TASP1: variants seen among roughly 807,000 people sequenced by gnomAD.
The protein encoded by TASP1 is threonine aspartase 1.
TASP1 carries 16 observed loss-of-function variants against 56.6 expected under a neutral mutation model. The observed-to-expected ratio is 0.28, with a 90% CI of 0.19 to 0.43. The LOEUF (loss-of-function observed/expected upper bound fraction) is 0.43. Ranked by LOEUF, TASP1 falls within the 20% of genes least tolerant of loss-of-function variation. The probability of loss-of-function intolerance (pLI) is 1.00; values close to 1 mark genes in which losing one functional copy is unlikely to be tolerated. For synonymous variants in TASP1, 179 were observed against 184.2 expected (o/e 0.97, Z 0.23); for missense variants, 393 against 511.6 (o/e 0.77, Z 2.24).
chr20:13,257,332 T>C, the TASP1 span, among the ~76,000 whole-genome samples: 1 of 152,074 alleles, frequency 6.6e-6, no homozygotes. Context: ...CTGGCCAACA[T>C]GGTGAAAACC....
At chr20:13,527,376 CCA>C (rs1875265692) in intron 10 of TASP1, among the ~76,000 whole-genome samples, 1 of 151,998 alleles carries the variant, frequency 6.6e-6, no homozygotes, top group African/African-American at 2.4e-5. Context: ...CCATATTTGT[CCA>C]CTCTCCCGAT....
chr20:13,474,533 A>T (rs776109078), intron 11 of TASP1, among the ~76,000 whole-genome samples: 9 of 152,140 alleles, frequency 5.9e-5, no homozygotes, highest in Non-Finnish European at 8.8e-5. Flanking sequence ...TCCACTCGTT[A>T]GTCAATGGGT....
intron 7 of TASP1, among the ~76,000 whole-genome samples, chr20:13,561,831 A>G: frequency 1.3e-5 from 2 of 152,180 alleles, no homozygotes; most frequent in East Asian, 3.8e-4. Flanking sequence ...AATTCAAATT[A>G]GAGTGTTATA....
intron 6 of TASP1, among the ~76,000 whole-genome samples, chr20:13,570,870 T>C (rs529488005): frequency 6.6e-6 from 1 of 152,230 alleles, no homozygotes; most frequent in Admixed American, 6.5e-5. Flanking sequence ...ATTTTTAGCA[T>C]TTCCTTCTTC....
chr20:13,536,602 T>C (rs1314233401), intron 8 of TASP1, among the ~76,000 whole-genome samples: 1 of 152,202 alleles, frequency 6.6e-6, no homozygotes, highest in Non-Finnish European at 1.5e-5. Flanking sequence ...ACTGAGTTTT[T>C]ATTGACAGAC....
the TASP1 span, among the ~76,000 whole-genome samples, chr20:13,233,324 G>C: frequency 6.6e-6 from 1 of 152,040 alleles, no homozygotes; most frequent in Non-Finnish European, 1.5e-5. Flanking sequence ...TGCCGGGCGC[G>C]GTGGCTCATG....
the TASP1 span, among the ~76,000 whole-genome samples, chr20:13,109,066 A>G: frequency 6.6e-6 from 1 of 152,232 alleles, no homozygotes; most frequent in South Asian, 2.1e-4. Flanking sequence ...TGCTAGGCTT[A>G]AATGTTAAAA....
the TASP1 span, among the ~76,000 whole-genome samples, chr20:13,202,477 C>A: frequency 2.9e-4 from 44 of 152,204 alleles, no homozygotes; most frequent in African/African-American, 1.0e-3. Context: ...CAGCTCACAA[C>A]GTTTCTGAAA....
At chr20:13,504,154 T>C (rs755611020) in intron 10 of TASP1, among the ~76,000 whole-genome samples, 4 of 152,010 alleles carry the variant, frequency 2.6e-5, no homozygotes, top group Non-Finnish European at 5.9e-5. Flanking sequence ...AGATACATTA[T>C]TATCAAATCA....
the TASP1 span, among the ~76,000 whole-genome samples, chr20:13,342,605 G>C: frequency 6.6e-6 from 1 of 152,152 alleles, no homozygotes; most frequent in East Asian, 1.9e-4. Flanking sequence ...GACAGGGCAC[G>C]TTCACCTCAC....
At chr20:13,192,074 C>T in the TASP1 span, among the ~76,000 whole-genome samples, 3,077 of 152,238 alleles carry the variant, frequency 0.02, 53 homozygotes, top group Non-Finnish European at 0.031. Context: ...AGAAAAAAAT[C>T]AACAACCTAG....
At chr20:13,504,655 A>G (rs751996127) in intron 10 of TASP1, among the ~76,000 whole-genome samples, 1 of 152,212 alleles carries the variant, frequency 6.6e-6, no homozygotes, top group Non-Finnish European at 1.5e-5. Flanking sequence ...ACCTGTAGCT[A>G]CAATAATTTG....
At chr20:13,240,398 G>A in the TASP1 span, among the ~76,000 whole-genome samples, 2 of 152,202 alleles carry the variant, frequency 1.3e-5, no homozygotes, top group African/African-American at 2.4e-5. Flanking sequence ...TGACACTTGA[G>A]TCCTGAGCTG....
chr20:13,351,052 T>C, the TASP1 span, among the ~76,000 whole-genome samples: 1 of 151,510 alleles, frequency 6.6e-6, no homozygotes, highest in Non-Finnish European at 1.5e-5. Context: ...AAAGAAGATA[T>C]AAGGATGGCA....
chr20:13,192,244 A>G, the TASP1 span, among the ~76,000 whole-genome samples: 1 of 152,192 alleles, frequency 6.6e-6, no homozygotes, highest in Non-Finnish European at 1.5e-5. Context: ...TTGGAGGTAC[A>G]TAAAGAACAG....
At chr20:13,346,672 T>A in the TASP1 span, among the ~76,000 whole-genome samples, 1 of 152,238 alleles carries the variant, frequency 6.6e-6, no homozygotes, top group African/African-American at 2.4e-5. Context: ...ACATTAGTGC[T>A]GGAGGCTTTG....
At chr20:13,356,766 C>T in the TASP1 span, among the ~76,000 whole-genome samples, 1 of 152,192 alleles carries the variant, frequency 6.6e-6, no homozygotes, top group Non-Finnish European at 1.5e-5. Context: ...AGATCTGAAA[C>T]TCTATCCATA....
the TASP1 span, among the ~76,000 whole-genome samples, chr20:13,352,727 T>A: frequency 6.6e-5 from 10 of 152,214 alleles, no homozygotes; most frequent in Non-Finnish European, 1.5e-4. Flanking sequence ...CAAGTAATGA[T>A]GCTGTCTCTC....
At chr20:13,501,206 A>T (rs970832281) in intron 10 of TASP1, among the ~76,000 whole-genome samples, 4 of 152,090 alleles carry the variant, frequency 2.6e-5, no homozygotes, top group Non-Finnish European at 5.9e-5. Flanking sequence ...AACATGAAAT[A>T]TAAAAATACT....
Sources: allele counts gnomAD v4.1 joint callset (sites outside exome capture counted in the v4.1 genomes callset), GRCh38; gene constraint gnomAD v4.1.1; transcripts MANE v1.5; gene names NCBI Gene and HGNC (gene_info 2026-07-23, HGNC 2026-07-21).